PCDH15: variants seen among roughly 807,000 people sequenced by gnomAD.
PCDH15 encodes the protein protocadherin-15.
In PCDH15, 129 loss-of-function variants were observed where a neutral mutation model predicts 178.5. That is an observed-to-expected ratio of 0.72 (90% confidence interval 0.63 to 0.84). The LOEUF is 0.84. PCDH15 is among the 40% of genes least tolerant of loss of function. PCDH15 has a pLI of 0.00. For synonymous variants in PCDH15, 800 were observed against 732.0 expected, an observed-to-expected ratio of 1.09 and a Z score of -1.50; for missense variants, 2,230 against 2,099.9, an observed-to-expected ratio of 1.06 and a Z score of -1.21.
rs575155356 is a variant in PCDH15, at chr10:54,418,741, C to G, written c.158-39799G>C. 2.0e-5 allele frequency among the ~76,000 whole-genome samples: 3 copies of G among 151,694 alleles called. No individual in the cohort carries two copies. In the South Asian group the frequency reaches 6.2e-4, roughly 32 times the overall value. On this transcript the variant is annotated intron_variant, in intron 3 of 37. Coordinates refer to ENST00000644397, the MANE Select transcript of PCDH15 (RefSeq NM_001384140.1). ...AATAATAATTTGGGGGTGAGAAGGC[C>G]TATTGAAAAATGACCAACATATAAA...
At chr10:55,501,049 G>T (rs899293265) in intron 2 of PCDH15, among the ~76,000 whole-genome samples, 3 of 151,772 alleles carry the variant, frequency 2.0e-5, no homozygotes, top group African/African-American at 7.2e-5. Flanking sequence ...TGCAGATGTG[G>T]TCAAGTTAAG....
chr10:55,594,001 A>G (rs952305829), intron 2 of PCDH15, among the ~76,000 whole-genome samples: 1 of 151,910 alleles, frequency 6.6e-6, no homozygotes, highest in African/African-American at 2.4e-5. Flanking sequence ...CTACATACAT[A>G]TCTTTAGAGT....
At chr10:54,246,906 T>TA (rs1276024385) in intron 8 of PCDH15, among the ~76,000 whole-genome samples, 1 of 151,912 alleles carries the variant, frequency 6.6e-6, no homozygotes, top group Non-Finnish European at 1.5e-5. Flanking sequence ...TGATGATGAT[T>TA]AATGGGGTTG....
At chr10:54,262,332 C>T (rs2057371398) in intron 8 of PCDH15, among the ~76,000 whole-genome samples, 1 of 152,170 alleles carries the variant, frequency 6.6e-6, no homozygotes, top group African/African-American at 2.4e-5. Context: ...AGATAGGCCC[C>T]ATCACCCATG....
intron 2 of PCDH15, among the ~76,000 whole-genome samples, chr10:54,927,731 G>A (rs768582805): frequency 6.6e-6 from 1 of 152,012 alleles, no homozygotes; most frequent in Non-Finnish European, 1.5e-5. Context: ...TTTAAAGTCT[G>A]TTTCATCTGA....
intron 5 of PCDH15, among the ~76,000 whole-genome samples, chr10:54,355,181 C>T (rs1944791762): frequency 7.1e-6 from 1 of 141,590 alleles, no homozygotes; most frequent in Admixed American, 7.2e-5. Context: ...TTAAAAGTAT[C>T]ACCTCCTTTA....
At chr10:54,225,278 A>G (rs2053308463) in intron 9 of PCDH15, among the ~76,000 whole-genome samples, 1 of 152,186 alleles carries the variant, frequency 6.6e-6, no homozygotes. Context: ...CCACCTCTTC[A>G]TGGTACATGA....
chr10:54,503,973 G>A (rs950232541), intron 3 of PCDH15, among the ~76,000 whole-genome samples: 4 of 152,068 alleles, frequency 2.6e-5, no homozygotes, highest in African/African-American at 7.2e-5. Flanking sequence ...TGAACTGACC[G>A]TGGTGGTCCA....
At chr10:54,908,234 G>C (rs1309331971) in intron 2 of PCDH15, among the ~76,000 whole-genome samples, 1 of 152,194 alleles carries the variant, frequency 6.6e-6, no homozygotes, top group Non-Finnish European at 1.5e-5. Flanking sequence ...GTATGAGTGG[G>C]CATGGGGTTC....
rs201405683 is a variant in PCDH15 at position 55,597,509 on chromosome 10, T to TA, written c.-156+30115dup. Among the ~76,000 whole-genome samples, 701 of 152,216 alleles carry TA rather than the reference T, an allele frequency of 4.6e-3. 6 individuals are homozygous for TA. The highest frequency in any genetic ancestry group is 0.016 in the African/African-American group (668 of 41,564). ...TAGCCCCTCGATTAACGTAATTTTC[T>TA]AAAAAATCCCAATATTCTCCAACCA... On this transcript the variant is annotated intron_variant, in intron 2 of 5. Transcript: ENST00000613346.
At chr10:54,113,932 A>AAG (rs1208211520) in intron 15 of PCDH15, among the ~76,000 whole-genome samples, 6 of 152,252 alleles carry the variant, frequency 3.9e-5, no homozygotes, top group South Asian at 4.1e-4. Context: ...AGTGGCAGGC[A>AAG]AGAGAGAGAG....
At chr10:54,582,159 G>A (rs2091098939) in intron 2 of PCDH15, among the ~76,000 whole-genome samples, 1 of 152,028 alleles carries the variant, frequency 6.6e-6, no homozygotes, top group African/African-American at 2.4e-5. Flanking sequence ...TGCAGAATGG[G>A]AGAAAATATT....
chr10:54,926,366 G>A (rs553302167), intron 2 of PCDH15, among the ~76,000 whole-genome samples: 1 of 151,998 alleles, frequency 6.6e-6, no homozygotes, highest in African/African-American at 2.4e-5. Context: ...TTGCTGTGGA[G>A]TTTTTTAAAT....
intron 9 of PCDH15, among the ~76,000 whole-genome samples, chr10:54,234,717 A>G (rs1316584322): frequency 6.6e-6 from 1 of 152,190 alleles, no homozygotes; most frequent in Non-Finnish European, 1.5e-5. Flanking sequence ...AAAAATGTAA[A>G]TAGTGTAAAA....
rs113308156 is a variant in PCDH15 at position 55,394,888 on chromosome 10, A to G, written c.-155-228237T>C. On this transcript the variant is annotated intron_variant, in intron 2 of 5. Coordinates refer to the PCDH15 transcript ENST00000613346. ...GCTGGAAATTTGATTTAGTTAGAACACCTGGCTTTAGGTTCGCACTCAACC... is the reference window on the plus strand; with the variant it reads ...GCTGGAAATTTGATTTAGTTAGAACGCCTGGCTTTAGGTTCGCACTCAACC... 1.6e-3 allele frequency among the ~76,000 whole-genome samples: 236 copies of G among 152,178 alleles called. 1 individual carries two copies. Among genetic ancestry groups the G allele is most frequent in the African/African-American group, 5.2e-3 (215 of 41,548 alleles).
At chr10:54,891,445 C>A (rs564130214) in intron 3 of PCDH15, among the ~76,000 whole-genome samples, 12 of 152,156 alleles carry the variant, frequency 7.9e-5, no homozygotes, top group Non-Finnish European at 1.8e-4. Context: ...TATGTCTGAT[C>A]AATAGTGAGA....
intron 1 of PCDH15, among the ~76,000 whole-genome samples, chr10:55,171,816 C>A (rs1839339486): frequency 6.6e-6 from 1 of 151,204 alleles, no homozygotes; most frequent in Non-Finnish European, 1.5e-5. Context: ...GATTAGTGAT[C>A]TAGAAAAAAA....
intron 3 of PCDH15, among the ~76,000 whole-genome samples, chr10:54,405,588 G>A (rs991468221): frequency 1.3e-5 from 2 of 151,718 alleles, no homozygotes; most frequent in Admixed American, 6.6e-5. Context: ...GTAGGTACTA[G>A]GCTTAATGTC....
chr10:55,535,185 G>T (rs1841545503), intron 2 of PCDH15, among the ~76,000 whole-genome samples: 1 of 151,322 alleles, frequency 6.6e-6, no homozygotes, highest in Non-Finnish European at 1.5e-5. Context: ...GTTTAATTTT[G>T]AAAAAAATAA....
Sources: allele counts gnomAD v4.1 joint callset (sites outside exome capture counted in the v4.1 genomes callset), GRCh38; gene constraint gnomAD v4.1.1; transcripts MANE v1.5; gene names NCBI Gene and HGNC (gene_info 2026-07-23, HGNC 2026-07-21).